TYMS: variants seen among roughly 807,000 people sequenced by gnomAD.
The protein encoded by TYMS is thymidylate synthetase.
A neutral mutation model predicts 39.3 loss-of-function variants in TYMS; 21 were observed. That is an observed-to-expected ratio of 0.54 (90% CI 0.38 to 0.77). TYMS has a LOEUF of 0.77. Among genes scored for constraint, TYMS ranks in the 30% least tolerant of loss-of-function variants. TYMS has a pLI of 0.00. For missense variants in TYMS, 273 were observed against 406.7 expected (o/e 0.67, Z 2.83); for synonymous variants, 171 against 162.2 (o/e 1.05, Z -0.41).
chr18:667,034 GAGA>G (rs1158544788), intron 3 of TYMS, among the ~76,000 whole-genome samples: 3 of 18,838 alleles, frequency 1.6e-4, no homozygotes, highest in East Asian at 1.4e-3. Flanking sequence ...GATGGTGATG[GAGA>G]TGGTGATGGT....
At chr18:662,464 G>A in intron 3 of TYMS, 144 bp downstream of exon 3, 4 of 628,206 alleles carry the variant, frequency 6.4e-6, no homozygotes, top group Non-Finnish European at 1.0e-5. Context: ...GTGGTGCCAG[G>A]TTAAGCCACA....
intron 3 of TYMS, among the ~76,000 whole-genome samples, chr18:664,461 A>C (rs2074787356): frequency 7.0e-6 from 1 of 143,706 alleles, no homozygotes; most frequent in Non-Finnish European, 1.5e-5. Context: ...TGTCGTCTGC[A>C]AACAGGGACA....
At chr18:670,670 T>G (rs1158475141) in intron 4 of TYMS, 22 bp from the exon 5 acceptor site, 1 of 1,612,260 alleles carries the variant, frequency 6.2e-7, no homozygotes, top group Admixed American at 1.7e-5. Flanking sequence ...TCCCTCCTTA[T>G]CTTCCTCTGC....
rs575030378 is a variant in TYMS at position 659,994 on chromosome 18, C to T, written c.279+280C>T. Among the ~76,000 whole-genome samples, 6 of 152,284 alleles carry T rather than the reference C, an allele frequency of 3.9e-5. No individual in the cohort carries two copies. The South Asian group carries it at 1.0e-3, about 26-fold the overall frequency. On this transcript the variant is annotated intron_variant, in intron 2 of 6. Coordinates refer to ENST00000323274, the MANE Select transcript of TYMS (RefSeq NM_001071.4). Reference sequence around the variant, plus strand: ...GAGGCTGAGGCATGAGAATTGCTCACGAGGCGGAGGTTGTAGTGAGCTGAG... The same window carrying T: ...GAGGCTGAGGCATGAGAATTGCTCATGAGGCGGAGGTTGTAGTGAGCTGAG...
rs201838394 is a variant in TYMS, at chr18:667,617, G to GGTGATGGTGATGGAGAGGGAGAT, written c.455-1454_455-1453insTGATGGTGATGGAGAGGGAGATG. The stretch of plus-strand genomic sequence containing the variant: ...TGGTGATGGTGATGGTGATGGAGAT[G>GGTGATGGTGATGGAGAGGGAGAT]GGTGATGGTGATGGTTGCCTAACAT... On this transcript the variant is annotated intron_variant, in intron 3 of 6. Coordinates refer to ENST00000323274, the MANE Select transcript of TYMS (RefSeq NM_001071.4). 2 of 46,618 alleles carry GGTGATGGTGATGGAGAGGGAGAT rather than the reference G, an allele frequency of 4.3e-5. 1 individual carries two copies. The highest frequency in any genetic ancestry group is 8.6e-5 in the Non-Finnish European group (2 of 23,358). The allele number at this position is 46,618 out of a possible 1,614,324, so 2.9% of individuals were successfully genotyped here. A position where few individuals can be genotyped will look rare whatever the true frequency, so the allele number is the denominator to read the frequency against.
chr18:670,940 A>C, intron 5 of TYMS, 73 bp downstream of exon 5: 1 of 1,531,272 alleles, frequency 6.5e-7, no homozygotes, highest in Non-Finnish European at 8.9e-7. Flanking sequence ...ATGGGAAAAC[A>C]AATTGCAGAG....
In TYMS at chr18:660,131, G is replaced by A. The variant is rs1275589819; in HGVS notation, c.279+417G>A. 6.6e-6 allele frequency among the ~76,000 whole-genome samples: 1 copy of A among 152,130 alleles called. No individual in the cohort carries two copies. The highest frequency in any genetic ancestry group is 1.5e-5 in the Non-Finnish European group (1 of 68,016). ...CATTCCTCACCCTCAAGCCCTTAGT[G>A]GCTCCATTTCACTCAGTAAGAGCCA... On this transcript the variant is annotated intron_variant, in intron 2 of 6. Coordinates refer to ENST00000323274, the MANE Select transcript of TYMS (RefSeq NM_001071.4). This position sits in a 1 kb window ranked among gnomAD's most constrained non-coding sequence, Gnocchi z 4.6.
chr18:657,655 TTGGCCTGCCTCCGTCCCGCC>T lies in TYMS; in HGVS notation c.-87_-68del. 5 of 329,454 alleles carry T rather than the reference TTGGCCTGCCTCCGTCCCGCC, an allele frequency of 1.5e-5. No homozygotes were observed. Among genetic ancestry groups the T allele is most frequent in the Non-Finnish European group, 2.1e-5 (5 of 238,300 alleles). 20.4% of individuals were successfully genotyped at this position (329,454 alleles called of 1,614,324 possible). A position where few individuals can be genotyped will look rare whatever the true frequency, so the allele number is the denominator to read the frequency against. ...GGAAGGGGTCCTGCCACCGCGCCAC[TTGGCCTGCCTCCGTCCCGCC>T]GCGCCACTTGGCCTGCCTCCGTCCC... On this transcript the variant is annotated 5_prime_UTR_variant, in exon 1 of 7. Coordinates refer to ENST00000323274, the MANE Select transcript of TYMS (RefSeq NM_001071.4).
At chr18:662,379 TC>T in intron 3 of TYMS, 59 bp downstream of exon 3, 1 of 1,484,320 alleles carries the variant, frequency 6.7e-7, no homozygotes, top group Non-Finnish European at 9.1e-7. Flanking sequence ...ATGTGTTTGC[TC>T]CGTTGTTTTA....
chr18:667,723 G>C (rs1160631404), intron 3 of TYMS: 2 of 152,172 alleles, frequency 1.3e-5, no homozygotes, highest in Non-Finnish European at 2.9e-5. Flanking sequence ...AATGAAAAAA[G>C]CTGCTGCGTG....
At chr18:666,927 T>A (rs112644733) in intron 3 of TYMS, among the ~76,000 whole-genome samples, 2,933 of 54,462 alleles carry the variant, frequency 0.054, 358 homozygotes, top group Non-Finnish European at 0.062. Flanking sequence ...ATGGAGATGG[T>A]GATGGTGATG....
chr18:662,062 C>T (rs2074761579), intron 2 of TYMS, 84 bp from the exon 3 acceptor site: 3 of 1,434,972 alleles, frequency 2.1e-6, no homozygotes, highest in African/African-American at 1.4e-5. Flanking sequence ...GCCAGAGGCC[C>T]TTGTAAGTGG....
rs536583615 is a variant in TYMS at position 658,301 on chromosome 18, C to T, written c.205+354C>T. On this transcript the variant is annotated intron_variant, in intron 1 of 6. Transcript: ENST00000323274. This position sits in a 1 kb window ranked among gnomAD's most constrained non-coding sequence, Gnocchi z 4.5. ...TTAGGGAGAGCTGCCTGGGCTTGAC[C>T]GCGCGCCGGTCTCAAAGTCCTGGCT... 8 of 1,391,476 alleles carry T rather than the reference C, an allele frequency of 5.7e-6. No homozygotes were observed. Among genetic ancestry groups the T allele is most frequent in the South Asian group, 1.2e-5 (1 of 81,806 alleles). 86.2% of individuals were successfully genotyped at this position (1,391,476 alleles called of 1,614,324 possible).
chr18:668,234 T>A (rs1039803326), intron 3 of TYMS, among the ~76,000 whole-genome samples: 3 of 148,454 alleles, frequency 2.0e-5, no homozygotes, highest in African/African-American at 7.4e-5. Context: ...TTCATCTTTT[T>A]AAAATCTTTG....
chr18:663,143 G>T (rs1300613975), intron 3 of TYMS, among the ~76,000 whole-genome samples: 1 of 95,526 alleles, frequency 1.0e-5, no homozygotes, highest in East Asian at 4.0e-4. Flanking sequence ...CAGTATAAAA[G>T]TGTTCCTATT....
At position 660,679 on chromosome 18, in the gene TYMS, CG is replaced by C. The variant is rs529789704; in HGVS notation, c.279+969del. Among the ~76,000 whole-genome samples the C allele has an allele frequency of 5.2e-4, 79 of 152,138 alleles. No individual in the cohort carries two copies. Among genetic ancestry groups the C allele is most frequent in the Non-Finnish European group, 9.0e-4 (61 of 68,028 alleles). On this transcript the variant is annotated intron_variant, in intron 2 of 6. Transcript: ENST00000323274. The surrounding 1 kb of genome is among the most constrained non-coding windows in gnomAD (Gnocchi z 4.6). Reference sequence around the variant, plus strand: ...AGAGGGCTGAGTAGGTACCTCAGGCCGGGGCCAGAGTGCTGTGAAGACAGGC... The same window carrying C: ...AGAGGGCTGAGTAGGTACCTCAGGCCGGGCCAGAGTGCTGTGAAGACAGGC...
chr18:662,399 C>A, intron 3 of TYMS, 79 bp downstream of exon 3: 3 of 1,342,098 alleles, frequency 2.2e-6, no homozygotes, highest in South Asian at 1.5e-5. Context: ...TAGATAAGGT[C>A]TGGGGGATGA....
In TYMS at chr18:658,179, G is replaced by A. The variant is rs1312766176; in HGVS notation, c.205+232G>A. 4 of 1,561,076 alleles carry A rather than the reference G, an allele frequency of 2.6e-6. No individual in the cohort carries two copies. The highest frequency in any genetic ancestry group is 1.2e-5 in the South Asian group (1 of 85,832). ...CAGCGACAGCCGGGAGGTAAGCCGC[G>A]TCCCAGCGGCTCCGCGGCCGGGCTC... On this transcript the variant is annotated intron_variant, in intron 1 of 6. Coordinates refer to ENST00000323274, the MANE Select transcript of TYMS (RefSeq NM_001071.4). The surrounding 1 kb of genome is among the most constrained non-coding windows in gnomAD (Gnocchi z 4.5).
At position 657,957 on chromosome 18, in the gene TYMS, C is replaced by T. The variant is rs2074706160; in HGVS notation, c.205+10C>T. The T allele has an allele frequency of 6.6e-7, 1 of 1,504,076 alleles. No homozygotes were observed. The highest frequency in any genetic ancestry group is 8.8e-7 in the Non-Finnish European group (1 of 1,130,810). The allele number at this position is 1,504,076 out of a possible 1,614,324, so 93.2% of individuals were successfully genotyped here. ...CGCTACAGCCTGAGAGGTGACGCCG[C>T]GGGCCCCTGCGGGACGGGTGGCGGG... On this transcript the variant is annotated intron_variant, in intron 1 of 6. Transcript: ENST00000323274.
Sources: allele counts gnomAD v4.1 joint callset (sites outside exome capture counted in the v4.1 genomes callset), GRCh38; gene constraint gnomAD v4.1.1; non-coding constraint Gnocchi (gnomAD v3.1); transcripts MANE v1.5; gene names NCBI Gene and HGNC (gene_info 2026-07-23, HGNC 2026-07-21).